Variants in GRIN2A observed in about 807,000 individuals in gnomAD.
GRIN2A encodes the protein glutamate ionotropic receptor NMDA type subunit 2A, also known as glutamate receptor ionotropic, NMDA 2A.
A neutral mutation model predicts 113.4 loss-of-function variants in GRIN2A; 22 were observed. The observed-to-expected ratio is 0.19, with a 90% CI of 0.14 to 0.28. The LOEUF is 0.28. GRIN2A is among the 10% of genes least tolerant of loss of function. The pLI, the probability that GRIN2A is intolerant of heterozygous loss-of-function variation, is 1.00. For synonymous variants in GRIN2A, 827 were observed against 738.4 expected (o/e 1.12, Z -1.94); for missense variants, 1,502 against 1,887.0 (o/e 0.80, Z 3.78).
At chr16:9,914,184 C>T (rs1160518853) in intron 3 of GRIN2A, among the ~76,000 whole-genome samples, 1 of 151,780 alleles carries the variant, frequency 6.6e-6, no homozygotes, top group Non-Finnish European at 1.5e-5. Flanking sequence ...AGTCAAAATG[C>T]CAAGTCATCA....
intron 4 of GRIN2A, among the ~76,000 whole-genome samples, chr16:9,878,109 A>C (rs1349555515): frequency 6.6e-6 from 1 of 152,152 alleles, no homozygotes; most frequent in Non-Finnish European, 1.5e-5. Context: ...GCAAGGGTGC[A>C]GCTTTTGTCT....
intron 2 of GRIN2A, among the ~76,000 whole-genome samples, chr16:10,031,772 C>T (rs190102417): frequency 1.3e-5 from 2 of 152,338 alleles, no homozygotes; most frequent in African/African-American, 4.8e-5. Flanking sequence ...AAAGATGCAA[C>T]ACCCAAATGT....
chr16:9,923,449 A>G (rs190158138), intron 3 of GRIN2A, among the ~76,000 whole-genome samples: 20 of 152,252 alleles, frequency 1.3e-4, no homozygotes, highest in Admixed American at 1.1e-3. Flanking sequence ...TAAACCTATC[A>G]TCTTGCTATT....
chr16:10,111,913 G>A, intron 2 of GRIN2A: 1 of 816,482 alleles, frequency 1.2e-6, no homozygotes, highest in Admixed American at 1.9e-5. Context: ...CCTCAGTGAG[G>A]TGATGACGCC....
chr16:10,058,912 T>C (rs1358185121), intron 2 of GRIN2A, among the ~76,000 whole-genome samples: 1 of 152,216 alleles, frequency 6.6e-6, no homozygotes, highest in Non-Finnish European at 1.5e-5. Flanking sequence ...AAGATAGTTA[T>C]AGGCTGTGAT....
chr16:9,988,061 G>C (rs1382836870), intron 2 of GRIN2A, among the ~76,000 whole-genome samples: 2 of 152,084 alleles, frequency 1.3e-5, no homozygotes, highest in Non-Finnish European at 2.9e-5. Flanking sequence ...TGCAAACCCT[G>C]GTTTTTCTGC....
intron 2 of GRIN2A, among the ~76,000 whole-genome samples, chr16:9,966,081 T>A (rs1166111000): frequency 6.6e-6 from 1 of 152,194 alleles, no homozygotes; most frequent in African/African-American, 2.4e-5. Flanking sequence ...TTATAGAGAA[T>A]TGATCTGATT....
chr16:9,816,099 G>A (rs940436629), intron 10 of GRIN2A, among the ~76,000 whole-genome samples: 3 of 152,182 alleles, frequency 2.0e-5, no homozygotes, highest in East Asian at 1.9e-4. Context: ...GTTGCCAGGC[G>A]CTAGGGAAAA....
At chr16:10,061,720 C>T (rs757333902) in intron 2 of GRIN2A, among the ~76,000 whole-genome samples, 1 of 152,142 alleles carries the variant, frequency 6.6e-6, no homozygotes, top group Admixed American at 6.5e-5. Flanking sequence ...AAAAAAGTCA[C>T]AGTGATGAAT....
At chr16:9,885,672 C>G (rs986300511) in intron 4 of GRIN2A, among the ~76,000 whole-genome samples, 19 of 152,240 alleles carry the variant, frequency 1.2e-4, no homozygotes, top group Non-Finnish European at 2.6e-4. Context: ...TAACAGCTCC[C>G]TCCTCAGCAG....
chr16:10,131,279 G>T (rs1034471037), intron 2 of GRIN2A, among the ~76,000 whole-genome samples: 2 of 152,140 alleles, frequency 1.3e-5, no homozygotes, highest in Non-Finnish European at 2.9e-5. Context: ...GTAGTGAGGG[G>T]CCATGGAGAT....
At chr16:9,783,335 G>T (rs528619854) in intron 11 of GRIN2A, among the ~76,000 whole-genome samples, 1 of 152,316 alleles carries the variant, frequency 6.6e-6, no homozygotes, top group South Asian at 2.1e-4. Flanking sequence ...CGATTTAATC[G>T]ATAGAAGTGC....
intron 2 of GRIN2A, among the ~76,000 whole-genome samples, chr16:10,137,654 C>T (rs1038677548): frequency 3.3e-5 from 5 of 152,194 alleles, no homozygotes; most frequent in Non-Finnish European, 7.3e-5. Flanking sequence ...AACTCACGTG[C>T]CATTTTTCTT....
chr16:10,044,307 C>T (rs779962636), intron 2 of GRIN2A, among the ~76,000 whole-genome samples: 9 of 151,974 alleles, frequency 5.9e-5, no homozygotes, highest in Non-Finnish European at 8.8e-5. Flanking sequence ...GCTGGGATTA[C>T]GGGTGTGAGC....
rs1418912104 is a variant in GRIN2A at position 9,840,835 on chromosome 16, A to G, written c.1498-35T>C. 12 of 1,329,242 alleles carry G rather than the reference A, an allele frequency of 9.0e-6. No homozygotes were observed. The East Asian group carries it at 9.3e-5, about 10-fold the overall frequency. 82.3% of individuals were successfully genotyped at this position (1,329,242 alleles called of 1,614,324 possible). ...AGGCAAAAAAAAAAAAAAAAAAAAG[A>G]GAGAGAGAGAACAACAGTACTTTAC... is the stretch of plus-strand genomic sequence containing the variant. On this transcript the variant is annotated intron_variant, in intron 6 of 12. Transcript: ENST00000330684.
At chr16:9,935,287 T>C (rs540386247) in intron 3 of GRIN2A, among the ~76,000 whole-genome samples, 117 of 152,250 alleles carry the variant, frequency 7.7e-4, no homozygotes, top group Non-Finnish European at 1.4e-3. Context: ...CTGGCAGCAA[T>C]CCTGCCTCTG....
intron 10 of GRIN2A, among the ~76,000 whole-genome samples, chr16:9,820,206 A>T (rs983560370): frequency 3.3e-5 from 5 of 152,226 alleles, no homozygotes; most frequent in Non-Finnish European, 7.3e-5. Context: ...GCTCTGGTTA[A>T]TAAATGGAGG....
intron 11 of GRIN2A, among the ~76,000 whole-genome samples, chr16:9,796,092 A>C (rs1902964233): frequency 6.6e-6 from 1 of 152,244 alleles, no homozygotes; most frequent in South Asian, 2.1e-4. Flanking sequence ...TAATGCATCC[A>C]GTATGATGAT....
At chr16:10,127,063 C>A (rs946089820) in intron 2 of GRIN2A, among the ~76,000 whole-genome samples, 6 of 152,138 alleles carry the variant, frequency 3.9e-5, no homozygotes, top group Admixed American at 3.9e-4. Context: ...AGTCTAAAAG[C>A]CTTCCTGACA....
Sources: allele counts gnomAD v4.1 joint callset (sites outside exome capture counted in the v4.1 genomes callset), GRCh38; gene constraint gnomAD v4.1.1; transcripts MANE v1.5; gene names NCBI Gene and HGNC (gene_info 2026-07-23, HGNC 2026-07-21).